CSMD1: variants seen among roughly 807,000 people sequenced by gnomAD.
CSMD1 encodes the protein CUB and Sushi multiple domains 1.
CSMD1 carries 213 observed loss-of-function variants against 417.5 expected under a neutral mutation model. The ratio of observed to expected loss-of-function variants is 0.51; its 90% CI spans 0.46 to 0.57. CSMD1 has a LOEUF of 0.57. Among genes scored for constraint, CSMD1 ranks in the 20% least tolerant of loss-of-function variants. The pLI is 0.00. For synonymous variants in CSMD1, 2,862 were observed against 1,736.8 expected (o/e 1.65, Z -16.11); for missense variants, 6,923 against 4,529.7 (o/e 1.53, Z -15.17).
intron 5 of CSMD1, among the ~76,000 whole-genome samples, chr8:3,799,288 G>T (rs1242000637): frequency 6.6e-6 from 1 of 150,854 alleles, no homozygotes; most frequent in African/African-American, 2.4e-5. Context: ...GGGTACATGT[G>T]CACAATGTGC....
In CSMD1 at chr8:3,585,590, T is replaced by A. The variant is rs182015081; in HGVS notation, c.1222+546A>T. Among the ~76,000 whole-genome samples the A allele has an allele frequency of 5.4e-3, 823 of 152,338 alleles. 9 individuals are homozygous for A. Among genetic ancestry groups the A allele is most frequent in the African/African-American group, 0.018 (767 of 41,582 alleles). The stretch of plus-strand genomic sequence containing the variant: ...AAAAAATAAGTAATTTAACCTTTGC[T>A]GACTTCGTATGTTTTATTAGAAAAT... On this transcript the variant is annotated intron_variant, in intron 9 of 69. Coordinates refer to ENST00000635120, the MANE Select transcript of CSMD1 (RefSeq NM_033225.6).
chr8:3,803,202 T>C (rs1800551592), intron 5 of CSMD1, among the ~76,000 whole-genome samples: 1 of 151,792 alleles, frequency 6.6e-6, no homozygotes, highest in South Asian at 2.1e-4. Context: ...TCAGAAATAA[T>C]TTTTGAGTGA....
chr8:3,150,414 C>G (rs974252153), intron 40 of CSMD1, among the ~76,000 whole-genome samples: 8 of 152,190 alleles, frequency 5.3e-5, no homozygotes, highest in Non-Finnish European at 1.2e-4. Flanking sequence ...ACCTGTCGGG[C>G]CGTCATTCCG....
chr8:4,123,342 C>T (rs1213147068), intron 3 of CSMD1, among the ~76,000 whole-genome samples: 1 of 152,216 alleles, frequency 6.6e-6, no homozygotes, highest in Admixed American at 6.5e-5. Flanking sequence ...TTAGTAGGCT[C>T]AGTGGGAGCC....
At chr8:4,794,508 C>T (rs1436182318) in intron 1 of CSMD1, among the ~76,000 whole-genome samples, 2 of 152,118 alleles carry the variant, frequency 1.3e-5, no homozygotes, top group Non-Finnish European at 2.9e-5. Flanking sequence ...GTTCTGTCCC[C>T]TGCTCTCCTC....
At chr8:3,864,368 G>A (rs1372952635) in intron 5 of CSMD1, among the ~76,000 whole-genome samples, 2 of 152,134 alleles carry the variant, frequency 1.3e-5, no homozygotes, top group South Asian at 4.1e-4. Context: ...GAAGGGGCAG[G>A]TATATACATT....
chr8:4,328,926 C>T (rs1033922953), intron 3 of CSMD1, among the ~76,000 whole-genome samples: 17 of 152,156 alleles, frequency 1.1e-4, no homozygotes, highest in African/African-American at 3.1e-4. Flanking sequence ...TGTTTGCATT[C>T]GCTGTTTTTG....
At chr8:3,242,923 A>C (rs1799638574) in intron 26 of CSMD1, among the ~76,000 whole-genome samples, 1 of 152,094 alleles carries the variant, frequency 6.6e-6, no homozygotes, top group South Asian at 2.1e-4. Flanking sequence ...CTGAGTGGTC[A>C]GACACCTCTG....
At chr8:3,033,343 T>G (rs767748683) in intron 50 of CSMD1, among the ~76,000 whole-genome samples, 3 of 152,132 alleles carry the variant, frequency 2.0e-5, no homozygotes, top group Non-Finnish European at 4.4e-5. Context: ...AAGACACCAA[T>G]TGATGCTACA....
At chr8:3,872,706 C>T (rs1022506372) in intron 5 of CSMD1, among the ~76,000 whole-genome samples, 1 of 152,014 alleles carries the variant, frequency 6.6e-6, no homozygotes, top group South Asian at 2.1e-4. Context: ...CTTAGAAGGC[C>T]TTGTTCTCAC....
At chr8:3,855,393 AAAC>A (rs1340422553) in intron 5 of CSMD1, among the ~76,000 whole-genome samples, 2 of 152,172 alleles carry the variant, frequency 1.3e-5, no homozygotes, top group African/African-American at 4.8e-5. Flanking sequence ...AACAAAATAA[AAAC>A]AACAAAAATA....
chr8:4,175,472 A>C (rs1797990423), intron 3 of CSMD1, among the ~76,000 whole-genome samples: 1 of 152,196 alleles, frequency 6.6e-6, no homozygotes, highest in South Asian at 2.1e-4. Context: ...AAAGCATCCA[A>C]AATTGTAAAT....
At chr8:3,876,223 A>G (rs916187220) in intron 5 of CSMD1, among the ~76,000 whole-genome samples, 9 of 152,174 alleles carry the variant, frequency 5.9e-5, no homozygotes, top group Non-Finnish European at 1.2e-4. Flanking sequence ...CTCACCCCTG[A>G]TATCGCTAAG....
intron 33 of CSMD1, among the ~76,000 whole-genome samples, chr8:3,195,777 A>G (rs1341023112): frequency 6.6e-6 from 1 of 152,170 alleles, no homozygotes; most frequent in Non-Finnish European, 1.5e-5. Context: ...CAAAAAGCAA[A>G]TGTACAAGGC....
At chr8:3,723,207 C>A (rs1056684745) in intron 6 of CSMD1, among the ~76,000 whole-genome samples, 94 of 152,244 alleles carry the variant, frequency 6.2e-4, no homozygotes, top group Non-Finnish European at 2.6e-4. Context: ...AAGCTTGTGG[C>A]CATGGACCCT....
At chr8:4,246,405 G>C (rs1390173192) in intron 3 of CSMD1, among the ~76,000 whole-genome samples, 2 of 152,160 alleles carry the variant, frequency 1.3e-5, no homozygotes, top group East Asian at 3.9e-4. Flanking sequence ...CTGTTGTGAA[G>C]TTCTTAATAA....
At chr8:4,279,526 G>A (rs999282922) in intron 3 of CSMD1, among the ~76,000 whole-genome samples, 2 of 152,106 alleles carry the variant, frequency 1.3e-5, no homozygotes, top group Admixed American at 1.3e-4. Flanking sequence ...ATACAGTGTG[G>A]TTAGTGCAAC....
At chr8:4,020,064 G>C (rs376860823) in intron 4 of CSMD1, among the ~76,000 whole-genome samples, 2 of 152,142 alleles carry the variant, frequency 1.3e-5, no homozygotes, top group South Asian at 2.1e-4. Context: ...AGGGAGAGGA[G>C]ATAGAGACAG....
rs577235885 is a variant in CSMD1 at position 3,906,212 on chromosome 8, T to A, written c.818+91691A>T. On this transcript the variant is annotated intron_variant, in intron 5 of 69. Coordinates refer to ENST00000635120, the MANE Select transcript of CSMD1 (RefSeq NM_033225.6). ...TAAGTGAATCACAAGTGCTTCATTA[T>A]CTTGATTGTGACCACAAAATGCCAT... Among the ~76,000 whole-genome samples the A allele has an allele frequency of 3.3e-5, 5 of 152,218 alleles. No homozygotes were observed. In the East Asian group the frequency reaches 9.7e-4, roughly 29 times the overall value.
Sources: allele counts gnomAD v4.1 joint callset (sites outside exome capture counted in the v4.1 genomes callset), GRCh38; gene constraint gnomAD v4.1.1; transcripts MANE v1.5; gene names NCBI Gene and HGNC (gene_info 2026-07-23, HGNC 2026-07-21).